STYX: variants seen among roughly 807,000 people sequenced by gnomAD.
STYX encodes serine/threonine/tyrosine-interacting protein.
A neutral mutation model predicts 42.7 loss-of-function variants in STYX; 20 were observed. The ratio of observed to expected loss-of-function variants is 0.47; its 90% CI spans 0.33 to 0.68. The LOEUF (loss-of-function observed/expected upper bound fraction) is 0.68, where lower values mean the gene tolerates loss of function less well. Ranked by LOEUF, STYX falls within the 30% of genes least tolerant of loss-of-function variation. The pLI is 0.02. For synonymous variants in STYX, 78 were observed against 81.9 expected, an observed-to-expected ratio of 0.95 and a Z score of 0.26; for missense variants, 226 against 268.5, an observed-to-expected ratio of 0.84 and a Z score of 1.11.
Position 52,772,136 on chromosome 14 carries a change from A to G in STYX, c.*1030A>G, listed in dbSNP as rs1344275567. ...TGAAAAGTTCTTAACATTTTTGTGTAATTTCCTTTCTTTTTAAACCATAAA... is the reference window on the plus strand; with the variant it reads ...TGAAAAGTTCTTAACATTTTTGTGTGATTTCCTTTCTTTTTAAACCATAAA... On this transcript the variant is annotated 3_prime_UTR_variant, in exon 11 of 11. Transcript: ENST00000354586. 4 of 152,240 alleles carry G rather than the reference A, an allele frequency of 2.6e-5. No homozygotes were observed. The highest frequency in any genetic ancestry group is 4.4e-5 in the Non-Finnish European group (3 of 67,972). 9.4% of individuals were successfully genotyped at this position (152,240 alleles called of 1,614,324 possible). A position where few individuals can be genotyped will look rare whatever the true frequency, so the allele number is the denominator to read the frequency against.
rs567137743 is a variant in STYX at position 52,750,665 on chromosome 14, G to C, written c.145-18G>C. The C allele has an allele frequency of 1.3e-4, 179 of 1,418,240 alleles. 3 individuals are homozygous for C. The South Asian group carries it at 2.2e-3, about 17-fold the overall frequency. 87.9% of individuals were successfully genotyped at this position (1,418,240 alleles called of 1,614,324 possible). A position where few individuals can be genotyped will look rare whatever the true frequency, so the allele number is the denominator to read the frequency against. On this transcript the variant is annotated intron_variant, in intron 3 of 10. Coordinates refer to ENST00000354586, the MANE Select transcript of STYX (RefSeq NM_145251.4). ...TATTTATCTTCCCTGTCCTCCCCCT[G>C]CTTTTTTTTTTATACAGCTACCTGT...
intron 1 of STYX, among the ~76,000 whole-genome samples, chr14:52,739,809 T>C (rs938401200): frequency 1.3e-5 from 2 of 151,764 alleles, no homozygotes; most frequent in African/African-American, 4.8e-5. Flanking sequence ...CGCACCTGGC[T>C]AATTTTTTAA....
At chr14:52,761,569 T>TG (rs914115154) in intron 9 of STYX, among the ~76,000 whole-genome samples, 16 of 143,552 alleles carry the variant, frequency 1.1e-4, no homozygotes, top group African/African-American at 4.1e-4. Context: ...GCCAAAAGTT[T>TG]TTTTTTTTTT....
chr14:52,770,394 G>A (rs1237391837), intron 10 of STYX, among the ~76,000 whole-genome samples: 1 of 152,060 alleles, frequency 6.6e-6, no homozygotes, highest in African/African-American at 2.4e-5. Flanking sequence ...TGGTTTAACT[G>A]TTCCCTAAAG....
rs1882561683 is a variant in STYX at position 52,772,743 on chromosome 14, A to G, written c.*1637A>G. The G allele has an allele frequency of 6.5e-6, 1 of 152,698 alleles. No individual in the cohort carries two copies. The highest frequency in any genetic ancestry group is 1.5e-5 in the Non-Finnish European group (1 of 68,028). The allele number at this position is 152,698 out of a possible 1,614,324, so 9.5% of individuals were successfully genotyped here. A position where few individuals can be genotyped will look rare whatever the true frequency, so the allele number is the denominator to read the frequency against. ...CATAGTGGGAGAGTGGAGATTAATT[A>G]AAATTGTTAATTAAGAGTTAATTCC... On this transcript the variant is annotated 3_prime_UTR_variant, in exon 11 of 11. Coordinates refer to ENST00000354586, the MANE Select transcript of STYX (RefSeq NM_145251.4).
chr14:52,752,785 C>G (rs1227356190), intron 4 of STYX, among the ~76,000 whole-genome samples: 1 of 151,474 alleles, frequency 6.6e-6, no homozygotes, highest in Non-Finnish European at 1.5e-5. Context: ...CTAGAAACTT[C>G]ATAGTGATTG....
chr14:52,737,954 T>A (rs1881023296), intron 1 of STYX, among the ~76,000 whole-genome samples: 1 of 152,154 alleles, frequency 6.6e-6, no homozygotes, highest in African/African-American at 2.4e-5. Context: ...TTTTTGTATT[T>A]TTGGTAGAGA....
intron 4 of STYX, among the ~76,000 whole-genome samples, chr14:52,751,227 AT>A (rs1881597565): frequency 6.6e-6 from 1 of 151,780 alleles, no homozygotes; most frequent in Non-Finnish European, 1.5e-5. Flanking sequence ...TTTACTTTAT[AT>A]TTTTTGGAGA....
chr14:52,753,934 C>T (rs7142136), intron 4 of STYX, among the ~76,000 whole-genome samples: 48,959 of 132,896 alleles, frequency 0.37, 9,025 homozygotes, highest in South Asian at 0.42. Flanking sequence ...CAGAGTCTCG[C>T]TCTGTCATCC....
chr14:52,738,012 GT>G (rs894611579), intron 1 of STYX, among the ~76,000 whole-genome samples: 45 of 152,158 alleles, frequency 3.0e-4, no homozygotes, highest in African/African-American at 1.0e-3. Flanking sequence ...TCCTGACCCT[GT>G]GATCCACCCT....
At chr14:52,752,312 A>G (rs1254371651) in intron 4 of STYX, among the ~76,000 whole-genome samples, 1 of 151,758 alleles carries the variant, frequency 6.6e-6, no homozygotes, top group African/African-American at 2.4e-5. Context: ...TAAAAATACA[A>G]AAATTATCTG....
chr14:52,746,485 A>G lies in STYX; in HGVS notation c.144+6A>G. On this transcript the variant is annotated splice_donor_region_variant and intron_variant, in intron 3 of 10. Transcript: ENST00000354586. ...CATCTGCTATGAAAAGCAAGGTATG[A>G]ACTTTGTTAGATTCATCAAGAGAGA... 12 of 1,553,218 alleles carry G rather than the reference A, an allele frequency of 7.7e-6. No individual in the cohort carries two copies. Among genetic ancestry groups the G allele is most frequent in the Non-Finnish European group, 1.0e-5 (12 of 1,160,612 alleles).
At chr14:52,746,610 C>A in intron 3 of STYX, 131 bp downstream of exon 3, 1 of 686,502 alleles carries the variant, frequency 1.5e-6, no homozygotes, top group Non-Finnish European at 2.4e-6. Flanking sequence ...AATTGTCACT[C>A]TGGAGTACCT....
chr14:52,746,865 G>C (rs1881414779), intron 3 of STYX, among the ~76,000 whole-genome samples: 3 of 152,146 alleles, frequency 2.0e-5, no homozygotes, highest in African/African-American at 7.2e-5. Flanking sequence ...TCCTTATCAA[G>C]GGTAAGACTG....
Position 52,730,397 on chromosome 14 carries a change from C to A in STYX, c.-78C>A. The A allele has an allele frequency of 6.6e-7, 1 of 1,522,878 alleles. No homozygotes were observed. Among genetic ancestry groups the A allele is most frequent in the South Asian group, 1.2e-5 (1 of 85,824 alleles). The allele number at this position is 1,522,878 out of a possible 1,614,324, so 94.3% of individuals were successfully genotyped here. A position where few individuals can be genotyped will look rare whatever the true frequency, so the allele number is the denominator to read the frequency against. The stretch of plus-strand genomic sequence containing the variant: ...CCGCTCCGCCGGCCCTCCTTCCTTC[C>A]GCCGCCGCAGCCAGCCCGAGGGTCG... On this transcript the variant is annotated 5_prime_UTR_variant, in exon 1 of 11. Coordinates refer to ENST00000354586, the MANE Select transcript of STYX (RefSeq NM_145251.4).
intron 9 of STYX, among the ~76,000 whole-genome samples, chr14:52,765,550 C>T (rs1882268489): frequency 1.3e-5 from 2 of 152,152 alleles, no homozygotes; most frequent in South Asian, 4.1e-4. Flanking sequence ...GAAGGCAGAC[C>T]AATTTTAAGA....
rs1008237824 is a variant in STYX, at chr14:52,772,137, ATTTCC to A, written c.*1036_*1040del. The A allele has an allele frequency of 1.3e-5, 2 of 152,240 alleles. No homozygotes were observed. The highest frequency in any genetic ancestry group is 2.4e-5 in the African/African-American group (1 of 41,462). The allele number at this position is 152,240 out of a possible 1,614,324, so 9.4% of individuals were successfully genotyped here. ...GAAAAGTTCTTAACATTTTTGTGTA[ATTTCC>A]TTTCTTTTTAAACCATAAATTAGTT... On this transcript the variant is annotated 3_prime_UTR_variant, in exon 11 of 11. Coordinates refer to ENST00000354586, the MANE Select transcript of STYX (RefSeq NM_145251.4).
At chr14:52,740,507 A>C (rs1179922335) in intron 1 of STYX, among the ~76,000 whole-genome samples, 1 of 152,252 alleles carries the variant, frequency 6.6e-6, no homozygotes, top group East Asian at 1.9e-4. Context: ...GACTCTCTGG[A>C]TCCAAAATCA....
chr14:52,761,323 C>T (rs1399120719), intron 9 of STYX, among the ~76,000 whole-genome samples: 2 of 127,548 alleles, frequency 1.6e-5, no homozygotes, highest in African/African-American at 2.8e-5. Context: ...AACAAAACTC[C>T]GTGTCAAAAA....
Sources: gnomAD v4.1 joint callset for allele counts (sites outside exome capture counted in the v4.1 genomes callset) on GRCh38, gnomAD v4.1.1 for gene constraint, MANE v1.5 for transcripts, NCBI Gene and HGNC (gene_info 2026-07-23, HGNC 2026-07-21) for gene names.